Variants in GABRA4 observed in about 807,000 individuals in gnomAD.
GABRA4 encodes the protein gamma-aminobutyric acid receptor subunit alpha-4.
In GABRA4, 12 loss-of-function variants were observed where a neutral mutation model predicts 49.7. The observed-to-expected ratio is 0.24, with a 90% CI of 0.15 to 0.39. The LOEUF (loss-of-function observed/expected upper bound fraction) is 0.39. GABRA4 is among the 10% of genes least tolerant of loss of function. The pLI, the probability that GABRA4 is intolerant of heterozygous loss-of-function variation, is 1.00. For synonymous variants in GABRA4, 288 were observed against 240.2 expected (o/e 1.20, Z -1.84); for missense variants, 506 against 686.0 (o/e 0.74, Z 2.93).
chr4:46,939,489 T>G (rs889799372), intron 8 of GABRA4, among the ~76,000 whole-genome samples: 3 of 152,014 alleles, frequency 2.0e-5, no homozygotes, highest in African/African-American at 7.2e-5. Context: ...CCTAAAACGT[T>G]GAGCACCTCT....
chr4:46,943,463 T>C (rs952233246), intron 8 of GABRA4, among the ~76,000 whole-genome samples: 2 of 152,184 alleles, frequency 1.3e-5, no homozygotes, highest in Non-Finnish European at 2.9e-5. Flanking sequence ...CTCTCTACTC[T>C]TCATTAAAAT....
intron 6 of GABRA4, among the ~76,000 whole-genome samples, chr4:46,973,321 A>G (rs1723021251): frequency 6.6e-6 from 1 of 151,726 alleles, no homozygotes; most frequent in Non-Finnish European, 1.5e-5. Context: ...GAATAGAATT[A>G]GTGCCTTTAT....
rs1347929523 is a variant in GABRA4, at chr4:46,971,078, A to G, written c.874+5T>C. 7.5e-6 allele frequency: 12 copies of G among 1,599,192 alleles called. No homozygotes were observed. Among genetic ancestry groups the G allele is most frequent in the East Asian group, 2.2e-5 (1 of 44,562 alleles). ...AAAAACGCCCAAGAAATGAATTGCAATTACCAAATACAGTCCTAGCGGGAA... is the reference window on the plus strand; with the variant it reads ...AAAAACGCCCAAGAAATGAATTGCAGTTACCAAATACAGTCCTAGCGGGAA... On this transcript the variant is annotated splice_donor_5th_base_variant and intron_variant, in intron 7 of 8. Coordinates refer to ENST00000264318, the MANE Select transcript of GABRA4 (RefSeq NM_000809.4).
chr4:46,993,115 G>T (rs1187563669), intron 1 of GABRA4, among the ~76,000 whole-genome samples, 169 bp from the exon 2 acceptor site: 3 of 152,148 alleles, frequency 2.0e-5, no homozygotes, highest in African/African-American at 7.2e-5. Flanking sequence ...GGAAAAGCGC[G>T]CCCCGCCGCA....
chr4:46,986,561 T>C (rs1349114459), intron 2 of GABRA4, among the ~76,000 whole-genome samples: 1 of 152,122 alleles, frequency 6.6e-6, no homozygotes, highest in Non-Finnish European at 1.5e-5. Flanking sequence ...AGCCACCTCC[T>C]AACATTGGAG....
At chr4:46,935,298 C>T (rs1466099399) in intron 8 of GABRA4, among the ~76,000 whole-genome samples, 2 of 152,104 alleles carry the variant, frequency 1.3e-5, no homozygotes, top group Non-Finnish European at 2.9e-5. Context: ...CTCTCAAAAC[C>T]TCAAAGTCCT....
intron 7 of GABRA4, among the ~76,000 whole-genome samples, chr4:46,965,802 T>C (rs913489274): frequency 6.6e-6 from 1 of 151,950 alleles, no homozygotes; most frequent in Admixed American, 6.6e-5. Flanking sequence ...TTAAATATTA[T>C]CTATTGAATT....
At chr4:46,972,882 A>T (rs993108870) in intron 6 of GABRA4, among the ~76,000 whole-genome samples, 1 of 151,726 alleles carries the variant, frequency 6.6e-6, no homozygotes, top group South Asian at 2.1e-4. Context: ...ACAAAAAAAA[A>T]CTTTGTTACC....
At chr4:46,959,367 T>C (rs1343004778) in intron 8 of GABRA4, among the ~76,000 whole-genome samples, 1 of 151,876 alleles carries the variant, frequency 6.6e-6, no homozygotes, top group African/African-American at 2.4e-5. Flanking sequence ...TAGTCACACA[T>C]TGTAGAGGAT....
At chr4:46,974,119 G>C (rs1723052356) in intron 6 of GABRA4, 113 bp downstream of exon 6, 1 of 1,041,966 alleles carries the variant, frequency 9.6e-7, no homozygotes, top group Non-Finnish European at 1.4e-6. Flanking sequence ...CTCTATTTCT[G>C]GAAAATGTTT....
At chr4:46,967,850 T>C (rs968974905) in intron 7 of GABRA4, among the ~76,000 whole-genome samples, 4 of 151,306 alleles carry the variant, frequency 2.6e-5, no homozygotes, top group African/African-American at 9.7e-5. Context: ...TACACAAGAG[T>C]GAATTTTTGG....
intron 2 of GABRA4, among the ~76,000 whole-genome samples, chr4:46,983,710 A>G (rs1366390461): frequency 6.6e-6 from 1 of 152,100 alleles, no homozygotes; most frequent in Non-Finnish European, 1.5e-5. Flanking sequence ...CTCTAATACG[A>G]CAGTTTAGGA....
chr4:46,959,036 CA>C (rs1451013807), intron 8 of GABRA4, among the ~76,000 whole-genome samples: 4 of 151,938 alleles, frequency 2.6e-5, no homozygotes, highest in African/African-American at 9.7e-5. Flanking sequence ...TACTGAAATT[CA>C]AAACTTATAA....
At chr4:46,930,121 G>A (rs537761222) in intron 8 of GABRA4, among the ~76,000 whole-genome samples, 22 of 152,216 alleles carry the variant, frequency 1.4e-4, no homozygotes, top group African/African-American at 5.1e-4. Flanking sequence ...CAGAGCCAGT[G>A]TAGACTCTGA....
At chr4:46,976,177 A>G (rs1723132470) in intron 5 of GABRA4, among the ~76,000 whole-genome samples, 1 of 151,594 alleles carries the variant, frequency 6.6e-6, no homozygotes, top group South Asian at 2.1e-4. Flanking sequence ...ATTGTTTTCT[A>G]TCCATTCATC....
chr4:46,936,013 C>G (rs746716075), intron 8 of GABRA4, among the ~76,000 whole-genome samples: 1 of 152,106 alleles, frequency 6.6e-6, no homozygotes, highest in Non-Finnish European at 1.5e-5. Flanking sequence ...TCAAAAAGCT[C>G]TTCAGGAAAA....
At chr4:46,970,960 C>T in intron 7 of GABRA4, 123 bp downstream of exon 7, 1 of 864,996 alleles carries the variant, frequency 1.2e-6, no homozygotes, top group Non-Finnish European at 1.8e-6. Context: ...AAATGAAAGC[C>T]ATGTGATTCC....
chr4:46,992,737 G>T, intron 2 of GABRA4, 91 bp downstream of exon 2: 1 of 913,890 alleles, frequency 1.1e-6, no homozygotes. Flanking sequence ...TGCACGTGAG[G>T]CATACCTAAT....
At chr4:46,988,633 CTG>C (rs1315986985) in intron 2 of GABRA4, among the ~76,000 whole-genome samples, 3 of 152,268 alleles carry the variant, frequency 2.0e-5, no homozygotes, top group East Asian at 3.9e-4. Context: ...ATACAATTTT[CTG>C]TGTTTTCTTT....
Sources: gnomAD v4.1 joint callset for allele counts (sites outside exome capture counted in the v4.1 genomes callset) on GRCh38, gnomAD v4.1.1 for gene constraint, MANE v1.5 for transcripts, NCBI Gene and HGNC (gene_info 2026-07-23, HGNC 2026-07-21) for gene names.